Variants in ULK4 observed in about 807,000 individuals in gnomAD.
The protein encoded by ULK4 is inactive serine/threonine-protein kinase ULK4.
In ULK4, 133 loss-of-function variants were observed where a neutral mutation model predicts 160.6. That is an observed-to-expected ratio of 0.83 (90% CI 0.72 to 0.96). ULK4 has a LOEUF of 0.96. Among genes scored for constraint, ULK4 ranks in the 40% least tolerant of loss-of-function variants. ULK4 has a pLI of 0.00. For missense variants in ULK4, 1,580 were observed against 1,499.5 expected (o/e 1.05, Z -0.89); for synonymous variants, 534 against 539.8 (o/e 0.99, Z 0.15).
At position 41,804,312 on chromosome 3, in the gene ULK4, C is replaced by T. The variant is rs186766664; in HGVS notation, c.1849-4019G>A. ...TTGAGAAGTGTCTGTTCATGTCCTT[C>T]GCCCACTTTGTGATGGGGTTGTTTT... On this transcript the variant is annotated intron_variant, in intron 19 of 36. Transcript: ENST00000301831. Among the ~76,000 whole-genome samples the T allele has an allele frequency of 7.0e-4, 106 of 152,250 alleles. No individual in the cohort carries two copies. The East Asian group carries it at 7.7e-3, about 11-fold the overall frequency.
At chr3:41,338,215 G>C (rs2080607446) in intron 35 of ULK4, among the ~76,000 whole-genome samples, 1 of 152,208 alleles carries the variant, frequency 6.6e-6, no homozygotes, top group Non-Finnish European at 1.5e-5. Flanking sequence ...GTACCTGGCA[G>C]CTGGAATTCC....
chr3:41,468,783 C>T (rs1334539476), intron 32 of ULK4, among the ~76,000 whole-genome samples: 1 of 152,186 alleles, frequency 6.6e-6, no homozygotes, highest in Non-Finnish European at 1.5e-5. Context: ...AGGTGGACAA[C>T]CATCTTCTCT....
At chr3:41,838,351 T>C (rs546160260) in intron 17 of ULK4, among the ~76,000 whole-genome samples, 11 of 152,250 alleles carry the variant, frequency 7.2e-5, no homozygotes, top group African/African-American at 2.2e-4. Flanking sequence ...AAGATAATTA[T>C]ATAAAAATGA....
At chr3:41,812,276 C>A (rs2040841038) in intron 19 of ULK4, among the ~76,000 whole-genome samples, 1 of 152,078 alleles carries the variant, frequency 6.6e-6, no homozygotes, top group South Asian at 2.1e-4. Context: ...GAGAGCAAGA[C>A]CCTGTCTCAA....
chr3:41,421,793 A>T (rs2082670398), intron 34 of ULK4, among the ~76,000 whole-genome samples: 1 of 152,132 alleles, frequency 6.6e-6, no homozygotes, highest in Admixed American at 6.5e-5. Context: ...AGGAAGCTTT[A>T]ACTCTCTCTA....
chr3:41,681,234 C>T (rs1382197471), intron 29 of ULK4, among the ~76,000 whole-genome samples: 1 of 152,158 alleles, frequency 6.6e-6, no homozygotes, highest in Non-Finnish European at 1.5e-5. Context: ...GAGCCATGAA[C>T]ACGTTTAAAT....
intron 21 of ULK4, among the ~76,000 whole-genome samples, chr3:41,756,886 A>G (rs2038821467): frequency 6.6e-6 from 1 of 152,240 alleles, no homozygotes; most frequent in Admixed American, 6.5e-5. Context: ...AGAAGAGGCC[A>G]TGGGAGGTAG....
chr3:41,388,810 A>G (rs1225965443), intron 35 of ULK4, among the ~76,000 whole-genome samples: 1 of 152,134 alleles, frequency 6.6e-6, no homozygotes, highest in Admixed American at 6.6e-5. Flanking sequence ...AGGTAGCATG[A>G]TCCCTCCAGC....
At chr3:41,644,560 A>G (rs1251452957) in intron 30 of ULK4, among the ~76,000 whole-genome samples, 261 of 152,262 alleles carry the variant, frequency 1.7e-3, no homozygotes, top group African/African-American at 6.0e-3. Flanking sequence ...ATCATGGTGG[A>G]TAAGCTTTTG....
chr3:41,950,751 A>G (rs73071238), intron 2 of ULK4, among the ~76,000 whole-genome samples: 18,819 of 152,162 alleles, frequency 0.12, 1,371 homozygotes, highest in Middle Eastern at 0.26. Context: ...AACTTCATTT[A>G]TAATAGCAGC....
intron 35 of ULK4, among the ~76,000 whole-genome samples, chr3:41,314,817 G>C (rs942473753): frequency 2.7e-5 from 4 of 149,474 alleles, no homozygotes; most frequent in Admixed American, 1.3e-4. Flanking sequence ...CAGTGTGTCT[G>C]TGTGTGTGTG....
intron 21 of ULK4, among the ~76,000 whole-genome samples, chr3:41,784,451 T>C (rs2039944078): frequency 6.6e-6 from 1 of 152,156 alleles, no homozygotes; most frequent in African/African-American, 2.4e-5. Context: ...AGTTTCCTAT[T>C]AAGTGTTTAG....
chr3:41,952,018 G>A, intron 2 of ULK4, among the ~76,000 whole-genome samples: 1 of 152,170 alleles, frequency 6.6e-6, no homozygotes, highest in East Asian at 1.9e-4. Flanking sequence ...AGCCCAAACA[G>A]AGACATTTAC....
chr3:41,442,854 AC>A (rs1334643922), intron 34 of ULK4, among the ~76,000 whole-genome samples: 1 of 152,210 alleles, frequency 6.6e-6, no homozygotes, highest in Non-Finnish European at 1.5e-5. Context: ...AACATTAAAA[AC>A]ATGGAGAATT....
intron 27 of ULK4, among the ~76,000 whole-genome samples, chr3:41,691,651 A>C (rs979956819): frequency 6.6e-6 from 1 of 151,816 alleles, no homozygotes; most frequent in Non-Finnish European, 1.5e-5. Context: ...ACATCCATTG[A>C]TTTTTATCTA....
At chr3:41,381,394 C>A (rs2081649257) in intron 35 of ULK4, among the ~76,000 whole-genome samples, 1 of 152,170 alleles carries the variant, frequency 6.6e-6, no homozygotes, top group South Asian at 2.1e-4. Context: ...GAATTCCAGG[C>A]CTATAGAGCC....
chr3:41,483,716 G>A (rs992266106), intron 32 of ULK4, among the ~76,000 whole-genome samples: 4 of 152,108 alleles, frequency 2.6e-5, no homozygotes, highest in Non-Finnish European at 5.9e-5. Context: ...GATCTTACAT[G>A]GGAAAAGGGA....
chr3:41,475,536 CTTGAT>C (rs1198020685), intron 32 of ULK4, among the ~76,000 whole-genome samples: 2 of 152,140 alleles, frequency 1.3e-5, no homozygotes, highest in Admixed American at 6.6e-5. Context: ...ATTTTAACTG[CTTGAT>C]TTAATTATTC....
chr3:41,432,242 T>G (rs1358172053), intron 34 of ULK4, among the ~76,000 whole-genome samples: 1 of 152,084 alleles, frequency 6.6e-6, no homozygotes, highest in African/African-American at 2.4e-5. Flanking sequence ...GACCTTGAAA[T>G]AGAGACTTTA....
Sources: allele counts gnomAD v4.1 joint callset (sites outside exome capture counted in the v4.1 genomes callset), GRCh38; gene constraint gnomAD v4.1.1; transcripts MANE v1.5; gene names NCBI Gene and HGNC (gene_info 2026-07-23, HGNC 2026-07-21).